The following LRRFIP1 variants were observed in gnomAD, a reference collection of about 807,000 sequenced individuals.
The protein encoded by LRRFIP1 is LRR binding FLII interacting protein 1, also known as leucine-rich repeat flightless-interacting protein 1.
A neutral mutation model predicts 104.4 loss-of-function variants in LRRFIP1; 62 were observed. That is an observed-to-expected ratio of 0.59 (90% CI 0.48 to 0.73). LRRFIP1 has a LOEUF of 0.73. Ranked by LOEUF, LRRFIP1 falls within the 30% of genes least tolerant of loss-of-function variation. LRRFIP1 has a pLI of 0.00. For synonymous variants in LRRFIP1, 300 were observed against 299.0 expected (o/e 1.00, Z -0.03); for missense variants, 796 against 824.5 (o/e 0.97, Z 0.42).
chr2:237,779,742 G>C lies in LRRFIP1; in HGVS notation c.*210G>C, dbSNP rs929989899. On this transcript the variant is annotated 3_prime_UTR_variant, in exon 24 of 24. Coordinates refer to ENST00000308482, the MANE Select transcript of LRRFIP1 (RefSeq NM_001137550.2). ...CCTCTGTCTGCAGACCCCTGGCCCG[G>C]GCTGGCGCCGACGCTCAGAACCTGC... 4.3e-6 allele frequency: 2 copies of C among 466,564 alleles called. No individual in the cohort carries two copies. Among genetic ancestry groups the C allele is most frequent in the Admixed American group, 3.4e-5 (1 of 29,212 alleles). 28.9% of individuals were successfully genotyped at this position (466,564 alleles called of 1,614,324 possible). A position where few individuals can be genotyped will look rare whatever the true frequency, so the allele number is the denominator to read the frequency against.
intron 1 of LRRFIP1, among the ~76,000 whole-genome samples, chr2:237,676,133 TCA>T (rs747461569): frequency 3.3e-5 from 5 of 152,296 alleles, no homozygotes; most frequent in Non-Finnish European, 7.4e-5. Context: ...CTCCCCAAAT[TCA>T]CAGAGCTGAA....
At chr2:237,777,578 G>A (rs868458807) in intron 23 of LRRFIP1, among the ~76,000 whole-genome samples, 39 of 152,066 alleles carry the variant, frequency 2.6e-4, no homozygotes, top group Middle Eastern at 3.4e-3. Flanking sequence ...TTTAACGGTC[G>A]GTCCTTTGTA....
At chr2:237,751,367 A>C (rs2058609400) in intron 14 of LRRFIP1, 96 bp downstream of exon 14, 1 of 946,060 alleles carries the variant, frequency 1.1e-6, no homozygotes, top group Admixed American at 2.4e-5. Context: ...GTGCATGCTT[A>C]CTGTAAATAG....
Position 237,781,122 on chromosome 2 carries a change from C to T in LRRFIP1, c.*1590C>T, listed in dbSNP as rs1003938062. 2.6e-5 allele frequency among the ~76,000 whole-genome samples: 4 copies of T among 152,234 alleles called. No homozygotes were observed. Among genetic ancestry groups the T allele is most frequent in the African/African-American group, 7.2e-5 (3 of 41,460 alleles). ...GGCCCACCGGCAAAAGGGAGATATTCAGTTCCTTGTCTCATCCTTAAGGTT... is the reference window on the plus strand; with the variant it reads ...GGCCCACCGGCAAAAGGGAGATATTTAGTTCCTTGTCTCATCCTTAAGGTT... On this transcript the variant is annotated 3_prime_UTR_variant, in exon 24 of 24. Coordinates refer to ENST00000308482, the MANE Select transcript of LRRFIP1 (RefSeq NM_001137550.2).
intron 1 of LRRFIP1, among the ~76,000 whole-genome samples, chr2:237,700,074 G>A (rs142483394): frequency 1.0e-3 from 153 of 152,294 alleles, no homozygotes; most frequent in African/African-American, 3.2e-3. Flanking sequence ...GCCTTGTGCC[G>A]TCCGTTCTTG....
At chr2:237,692,237 G>T in intron 1 of LRRFIP1, 1 of 1,117,260 alleles carries the variant, frequency 9.0e-7, no homozygotes, top group Non-Finnish European at 1.1e-6. Flanking sequence ...TCAGCCCGCG[G>T]CCACCTGCGC....
At chr2:237,680,917 G>C (rs901521831) in intron 1 of LRRFIP1, among the ~76,000 whole-genome samples, 3 of 152,182 alleles carry the variant, frequency 2.0e-5, no homozygotes, top group African/African-American at 7.2e-5. Context: ...AGAGGTGGAG[G>C]CTGTAGTGAG....
intron 22 of LRRFIP1, among the ~76,000 whole-genome samples, chr2:237,773,594 T>C (rs1332343023): frequency 6.6e-6 from 1 of 152,172 alleles, no homozygotes; most frequent in Non-Finnish European, 1.5e-5. Context: ...CACATCATAC[T>C]GGGACGTCCC....
At position 237,735,885 on chromosome 2, in the gene LRRFIP1, A is replaced by G. The variant is rs1266398913; in HGVS notation, c.555+552A>G. Among the ~76,000 whole-genome samples the G allele has an allele frequency of 3.9e-5, 6 of 152,138 alleles. No homozygotes were observed. Among genetic ancestry groups the G allele is most frequent in the Admixed American group, 3.9e-4 (6 of 15,274 alleles). ...CAACAAGGTAGAAAAATGAGATGGA[A>G]CCCGTGGAAGTGGGGAGACGAATTT... On this transcript the variant is annotated intron_variant, in intron 10 of 23. Coordinates refer to ENST00000308482, the MANE Select transcript of LRRFIP1 (RefSeq NM_001137550.2). The surrounding 1 kb of genome is among the most constrained non-coding windows in gnomAD (Gnocchi z 4.6).
chr2:237,728,888 C>T (rs1575913957), intron 8 of LRRFIP1, among the ~76,000 whole-genome samples: 1 of 152,254 alleles, frequency 6.6e-6, no homozygotes, highest in East Asian at 1.9e-4. Context: ...TTTTTACTTG[C>T]TCATTCCTAT....
At chr2:237,648,645 C>G (rs147281118) in intron 1 of LRRFIP1, among the ~76,000 whole-genome samples, 5 of 151,904 alleles carry the variant, frequency 3.3e-5, no homozygotes, top group African/African-American at 4.8e-5. Context: ...ATAAACTCAA[C>G]TTTTCTTTGT....
chr2:237,672,272 C>A (rs1312983096), intron 1 of LRRFIP1, among the ~76,000 whole-genome samples: 1 of 152,188 alleles, frequency 6.6e-6, no homozygotes. Flanking sequence ...ACCTGCCTTG[C>A]TGGGTCACCT....
chr2:237,640,097 T>A (rs2083696747), intron 1 of LRRFIP1, among the ~76,000 whole-genome samples: 1 of 152,004 alleles, frequency 6.6e-6, no homozygotes, highest in African/African-American at 2.4e-5. Context: ...GCAAGGAGGG[T>A]AAAAAGCCCT....
intron 2 of LRRFIP1, among the ~76,000 whole-genome samples, chr2:237,712,396 CAG>C (rs767227181): frequency 3.9e-4 from 59 of 152,268 alleles, no homozygotes; most frequent in Admixed American, 9.8e-4. Context: ...AAGGGGGAAA[CAG>C]AATGATCCAC....
At chr2:237,755,933 C>CA (rs1031003824) in intron 15 of LRRFIP1, among the ~76,000 whole-genome samples, 162 bp from the exon 16 acceptor site, 1 of 151,762 alleles carries the variant, frequency 6.6e-6, no homozygotes, top group African/African-American at 2.4e-5. Flanking sequence ...GACTCCATCT[C>CA]AAAAAAATAT....
intron 1 of LRRFIP1, among the ~76,000 whole-genome samples, chr2:237,668,372 A>G (rs2089821843): frequency 6.6e-6 from 1 of 152,184 alleles, no homozygotes; most frequent in Non-Finnish European, 1.5e-5. Flanking sequence ...GCCTGTCATC[A>G]TGGCCCCCTG....
At chr2:237,643,419 C>T (rs916158401) in intron 1 of LRRFIP1, among the ~76,000 whole-genome samples, 6 of 152,234 alleles carry the variant, frequency 3.9e-5, no homozygotes, top group African/African-American at 7.2e-5. Context: ...AGACGGATGC[C>T]GTTGGTGTAT....
intron 7 of LRRFIP1, among the ~76,000 whole-genome samples, chr2:237,726,353 AT>A (rs140221198): frequency 6.6e-6 from 1 of 151,516 alleles, no homozygotes; most frequent in Non-Finnish European, 1.5e-5. Flanking sequence ...TGGAAATTCA[AT>A]TTTTTTTTCT....
chr2:237,718,800 CACTT>C (rs1183423570), intron 4 of LRRFIP1, among the ~76,000 whole-genome samples: 5 of 152,166 alleles, frequency 3.3e-5, no homozygotes, highest in Non-Finnish European at 7.3e-5. Flanking sequence ...ACAGAGCACA[CACTT>C]ACTGTATTGA....
Sources: gnomAD v4.1 joint callset for allele counts (sites outside exome capture counted in the v4.1 genomes callset) on GRCh38, gnomAD v4.1.1 for gene constraint, Gnocchi (gnomAD v3.1) non-coding constraint, MANE v1.5 for transcripts, NCBI Gene and HGNC (gene_info 2026-07-23, HGNC 2026-07-21) for gene names.